Variants in KAZN observed in about 807,000 individuals in gnomAD.
KAZN encodes the protein kazrin.
A neutral mutation model predicts 87.4 loss-of-function variants in KAZN; 40 were observed. The ratio of observed to expected loss-of-function variants is 0.46; its 90% CI spans 0.36 to 0.60. KAZN has a LOEUF of 0.60. Among genes scored for constraint, KAZN ranks in the 20% least tolerant of loss-of-function variants. The probability of loss-of-function intolerance (pLI) is 0.00; values close to 1 mark genes in which losing one functional copy is unlikely to be tolerated. For missense variants in KAZN, 898 were observed against 1,073.9 expected, an observed-to-expected ratio of 0.84 and a Z score of 2.29; for synonymous variants, 466 against 458.3, an observed-to-expected ratio of 1.02 and a Z score of -0.22.
chr1:14,174,767 ATAGT>A (rs1646032348), intron 1 of KAZN, among the ~76,000 whole-genome samples: 1 of 151,680 alleles, frequency 6.6e-6, no homozygotes. Context: ...TGATAATCTA[ATAGT>A]TAACATTTTT....
At chr1:14,177,747 G>T (rs1230934476) in intron 1 of KAZN, among the ~76,000 whole-genome samples, 3 of 151,544 alleles carry the variant, frequency 2.0e-5, no homozygotes, top group Non-Finnish European at 4.4e-5. Flanking sequence ...ACAGTTACAG[G>T]GGAGCTGGTT....
intron 2 of KAZN, among the ~76,000 whole-genome samples, chr1:14,489,977 T>A (rs1669562703): frequency 6.6e-6 from 1 of 152,186 alleles, no homozygotes; most frequent in African/African-American, 2.4e-5. Context: ...GGTTGTGAAC[T>A]CATTTTAAGT....
At chr1:14,085,920 T>A (rs976653691) in intron 1 of KAZN, among the ~76,000 whole-genome samples, 1 of 152,202 alleles carries the variant, frequency 6.6e-6, no homozygotes, top group African/African-American at 2.4e-5. Context: ...CAATACTTTT[T>A]AAATATGGCC....
chr1:14,853,710 C>G (rs960477132), intron 1 of KAZN, among the ~76,000 whole-genome samples: 5 of 152,198 alleles, frequency 3.3e-5, no homozygotes, highest in African/African-American at 1.2e-4. Flanking sequence ...CTTGGCCCCT[C>G]TCCCAGCCAG....
intron 1 of KAZN, among the ~76,000 whole-genome samples, chr1:13,904,387 G>C (rs1173014795): frequency 6.6e-6 from 1 of 152,140 alleles, no homozygotes; most frequent in Non-Finnish European, 1.5e-5. Flanking sequence ...GGAGAAGTTG[G>C]GTTGTAGGGA....
At chr1:15,074,389 T>A (rs969721297) in intron 8 of KAZN, among the ~76,000 whole-genome samples, 1 of 152,128 alleles carries the variant, frequency 6.6e-6, no homozygotes, top group Non-Finnish European at 1.5e-5. Context: ...TCCAAGCTCC[T>A]CCAGGGGTCT....
At chr1:14,142,030 GTTTA>G (rs1234002204) in intron 1 of KAZN, among the ~76,000 whole-genome samples, 1 of 150,402 alleles carries the variant, frequency 6.6e-6, no homozygotes, top group African/African-American at 2.4e-5. Flanking sequence ...ATCCGTGTAA[GTTTA>G]TTTATCTACT....
rs140727803 is a variant in KAZN at position 14,580,223 on chromosome 1, C to A, written c.250-18760C>A. 3.3e-3 allele frequency among the ~76,000 whole-genome samples: 501 copies of A among 152,238 alleles called. 9 individuals carry two copies. Among genetic ancestry groups the A allele is most frequent in the East Asian group, 0.018 (94 of 5,170 alleles). ...AGGCAAGGTGGCTCACACCTGTAAT[C>A]GCAGCACTTTGGGAGGCCAAGGCAA... On this transcript the variant is annotated intron_variant, in intron 2 of 16. Coordinates refer to the KAZN transcript ENST00000636203.
chr1:14,046,307 A>G (rs535000170), intron 1 of KAZN, among the ~76,000 whole-genome samples: 1 of 152,346 alleles, frequency 6.6e-6, no homozygotes, highest in East Asian at 1.9e-4. Context: ...AAAAATAGGA[A>G]AAATACATCT....
intron 1 of KAZN, among the ~76,000 whole-genome samples, chr1:14,002,544 G>A (rs1297859202): frequency 6.6e-6 from 1 of 152,180 alleles, no homozygotes; most frequent in Non-Finnish European, 1.5e-5. Context: ...GGAACTGCAA[G>A]TCCAGTTAAA....
At chr1:14,159,189 A>C (rs1425922049) in intron 1 of KAZN, among the ~76,000 whole-genome samples, 1 of 152,194 alleles carries the variant, frequency 6.6e-6, no homozygotes, top group African/African-American at 2.4e-5. Flanking sequence ...CCTTCCCTTC[A>C]AGGTGATGAG....
intron 1 of KAZN, among the ~76,000 whole-genome samples, chr1:14,914,695 T>C (rs1159205322): frequency 1.3e-5 from 2 of 152,214 alleles, no homozygotes; most frequent in African/African-American, 4.8e-5. Flanking sequence ...CCATTGATAA[T>C]GGCATAATGG....
At chr1:14,290,177 G>T (rs1653570904) in intron 2 of KAZN, among the ~76,000 whole-genome samples, 1 of 152,146 alleles carries the variant, frequency 6.6e-6, no homozygotes, top group Non-Finnish European at 1.5e-5. Flanking sequence ...TTCTCGAGGA[G>T]TATCTTTGTG....
At chr1:14,349,679 C>G (rs1658378581) in intron 2 of KAZN, among the ~76,000 whole-genome samples, 1 of 152,012 alleles carries the variant, frequency 6.6e-6, no homozygotes, top group South Asian at 2.1e-4. Context: ...AAGAAACAGC[C>G]CTACAGTGAA....
intron 1 of KAZN, among the ~76,000 whole-genome samples, chr1:14,032,861 T>C (rs970898): frequency 0.87 from 133,119 of 152,174 alleles, 58,805 homozygotes; most frequent in Admixed American, 0.94. Flanking sequence ...CAGGAATCAT[T>C]TCATTACATT....
rs112667110 is a variant in KAZN, at chr1:14,695,510, C to CTTTTTTTTTTTTTTTTTTT, written c.226+96302_226+96303insTTTTTTTTTTTTTTTTTTT. ...CCTCTTTCCCCAGACTACATTCCAT[C>CTTTTTTTTTTTTTTTTTTT]TTTTTTTTTTTTTTTGATGGAGTCT... On this transcript the variant is annotated intron_variant, in intron 1 of 14. Coordinates refer to ENST00000376030, the MANE Select transcript of KAZN (RefSeq NM_201628.3). 1.0e-3 allele frequency among the ~76,000 whole-genome samples: 86 copies of CTTTTTTTTTTTTTTTTTTT among 85,026 alleles called. 17 individuals carry two copies. The highest frequency in any genetic ancestry group is 4.2e-3 in the East Asian group (11 of 2,646). 55.8% of individuals were successfully genotyped at this position (85,026 alleles called of 152,430 possible).
chr1:15,060,347 G>T, intron 6 of KAZN, 45 bp downstream of exon 6: 1 of 1,610,648 alleles, frequency 6.2e-7, no homozygotes, highest in Non-Finnish European at 8.5e-7. Context: ...GCCCTGCCCA[G>T]AAACTGCAGG....
chr1:14,422,991 T>G (rs1046639435), intron 2 of KAZN, among the ~76,000 whole-genome samples: 1 of 152,262 alleles, frequency 6.6e-6, no homozygotes, highest in Non-Finnish European at 1.5e-5. Context: ...CAGCAATAGT[T>G]TATTAACTTT....
At chr1:15,092,017 G>T (rs1573288383) in intron 8 of KAZN, among the ~76,000 whole-genome samples, 1 of 141,516 alleles carries the variant, frequency 7.1e-6, no homozygotes, top group Admixed American at 7.0e-5. Context: ...TTATAATATT[G>T]AATTTCAGCA....
Sources: allele counts gnomAD v4.1 joint callset (sites outside exome capture counted in the v4.1 genomes callset), GRCh38; gene constraint gnomAD v4.1.1; transcripts MANE v1.5; gene names NCBI Gene and HGNC (gene_info 2026-07-23, HGNC 2026-07-21).